Variants in SVEP1 observed in about 807,000 individuals in gnomAD.
SVEP1 encodes the protein sushi, von Willebrand factor type A, EGF and pentraxin domain-containing protein 1.
In SVEP1, 164 loss-of-function variants were observed where a neutral mutation model predicts 367.3. The ratio of observed to expected loss-of-function variants is 0.45; its 90% CI spans 0.39 to 0.51. The LOEUF (loss-of-function observed/expected upper bound fraction) is 0.51. Ranked by LOEUF, SVEP1 falls within the 20% of genes least tolerant of loss-of-function variation. The probability of loss-of-function intolerance (pLI) is 0.00; values close to 1 mark genes in which losing one functional copy is unlikely to be tolerated. For missense variants in SVEP1, 4,117 were observed against 4,425.3 expected (o/e 0.93, Z 1.98); for synonymous variants, 1,666 against 1,611.6 (o/e 1.03, Z -0.81).
rs773935259 is a variant in SVEP1 at position 110,432,049 on chromosome 9, G to C, written c.5234-15C>G. ...CTCATCGACATCTAAAATGAAGACA[G>C]CTTATAAATATTAAAGTTGATTCCT... On this transcript the variant is annotated splice_polypyrimidine_tract_variant and intron_variant, in intron 31 of 47. Coordinates refer to ENST00000374469, the MANE Select transcript of SVEP1 (RefSeq NM_153366.4). 10 of 1,578,868 alleles carry C rather than the reference G, an allele frequency of 6.3e-6. No individual in the cohort carries two copies. Among genetic ancestry groups the C allele is most frequent in the Non-Finnish European group, 7.7e-6 (9 of 1,166,582 alleles).
At chr9:110,375,733 T>G (rs187224354) in intron 45 of SVEP1, among the ~76,000 whole-genome samples, 86 of 152,328 alleles carry the variant, frequency 5.6e-4, no homozygotes, top group African/African-American at 2.0e-3. Context: ...CCGTAATCAG[T>G]GTCTGCAAAG....
At chr9:110,525,053 G>A (rs1829924147) in intron 3 of SVEP1, among the ~76,000 whole-genome samples, 1 of 152,012 alleles carries the variant, frequency 6.6e-6, no homozygotes, top group Non-Finnish European at 1.5e-5. Context: ...CTTATGATTG[G>A]AAATAAAGCA....
At chr9:110,406,105 T>G (rs1465215274) in intron 38 of SVEP1, 55 bp downstream of exon 38, 43 of 1,502,820 alleles carry the variant, frequency 2.9e-5, no homozygotes, top group Non-Finnish European at 3.7e-5. Flanking sequence ...ATCGATCACA[T>G]TTCATTTCAT....
chr9:110,390,834 CAT>C (rs1827643499), intron 40 of SVEP1, among the ~76,000 whole-genome samples: 1 of 152,004 alleles, frequency 6.6e-6, no homozygotes, highest in Non-Finnish European at 1.5e-5. Flanking sequence ...AAAATTCAAA[CAT>C]ATGAGAAATA....
chr9:110,517,391 A>C lies in SVEP1; in HGVS notation c.965-3285T>G, dbSNP rs140967839. Among the ~76,000 whole-genome samples the C allele has an allele frequency of 3.4e-3, 511 of 152,194 alleles. 3 individuals carry two copies. The highest frequency in any genetic ancestry group is 0.023 in the South Asian group (113 of 4,816). Reference sequence around the variant, plus strand: ...GGTGGGTGGATCACCTGAGGTCAGGAGTTCAAGACTGCCCTGGCCAACATG... The same window carrying C: ...GGTGGGTGGATCACCTGAGGTCAGGCGTTCAAGACTGCCCTGGCCAACATG... On this transcript the variant is annotated intron_variant, in intron 3 of 47. Transcript: ENST00000374469.
At chr9:110,424,271 T>A (rs192008978) in intron 36 of SVEP1, among the ~76,000 whole-genome samples, 2 of 152,186 alleles carry the variant, frequency 1.3e-5, no homozygotes, top group East Asian at 3.8e-4. Flanking sequence ...AATTTAGAGA[T>A]AGCTCGTTCT....
At chr9:110,558,096 G>T (rs971892994) in intron 1 of SVEP1, among the ~76,000 whole-genome samples, 1 of 151,888 alleles carries the variant, frequency 6.6e-6, no homozygotes. Context: ...CCTCATCCCA[G>T]GATGAAAAAA....
chr9:110,550,526 C>CTA (rs1830273526), intron 1 of SVEP1, among the ~76,000 whole-genome samples: 1 of 135,488 alleles, frequency 7.4e-6, no homozygotes, highest in African/African-American at 2.7e-5. Context: ...ATCTATCTAT[C>CTA]TGTCTATCAT....
chr9:110,571,472 A>G (rs1248112220), intron 1 of SVEP1, among the ~76,000 whole-genome samples: 1 of 152,218 alleles, frequency 6.6e-6, no homozygotes, highest in Non-Finnish European at 1.5e-5. Flanking sequence ...GAGCTCCAGT[A>G]GCCAACTGAG....
At chr9:110,529,347 A>G (rs1829986815) in intron 3 of SVEP1, among the ~76,000 whole-genome samples, 1 of 151,546 alleles carries the variant, frequency 6.6e-6, no homozygotes, top group Non-Finnish European at 1.5e-5. Flanking sequence ...GCTCTTTGGG[A>G]TCTTATTTGG....
At chr9:110,492,316 A>C (rs1829377712) in intron 8 of SVEP1, among the ~76,000 whole-genome samples, 2 of 152,108 alleles carry the variant, frequency 1.3e-5, no homozygotes, top group Non-Finnish European at 1.5e-5. Flanking sequence ...GATGTAAAAA[A>C]AACTATATTA....
intron 27 of SVEP1, chr9:110,442,454 CTTTT>C (rs1265250909): frequency 7.3e-6 from 1 of 137,122 alleles, no homozygotes; most frequent in Non-Finnish European, 1.6e-5. Context: ...TAATTTCTTT[CTTTT>C]TTCTTTTTTT....
chr9:110,566,330 A>T (rs1830493346), intron 1 of SVEP1, among the ~76,000 whole-genome samples: 1 of 92,502 alleles, frequency 1.1e-5, no homozygotes. Context: ...TCCATAATAA[A>T]TAAATAAATA....
Position 110,482,382 on chromosome 9 carries a change from C to A in SVEP1, c.2149G>T (p.Asp717Tyr). 1 of 1,612,474 alleles carries A rather than the reference C, an allele frequency of 6.2e-7. No homozygotes were observed. The highest frequency in any genetic ancestry group is 8.5e-7 in the Non-Finnish European group (1 of 1,179,364). ...ATACCTTTTATGACAATATGGATAT[C>A]ACATGTCCTGTTATTGCCTGAGGGG... Reference protein sequence around the residue: ...TDPSGNNRTCDIHIVIKGSPC... With the variant: ...TDPSGNNRTCYIHIVIKGSPC... The change falls in exon 11 of 48, where the codon GAT becomes TAT. Residue 717 changes from aspartate to tyrosine, a missense_variant. Asp to Tyr is a radical substitution (Grantham distance 160). This residue lies in a region of SVEP1 where 2,174 missense variants were observed against 2,494.3 expected (regional missense o/e 0.87). Coordinates refer to ENST00000374469, the MANE Select transcript of SVEP1 (RefSeq NM_153366.4).
At chr9:110,389,045 T>C (rs1055566080) in intron 41 of SVEP1, among the ~76,000 whole-genome samples, 2 of 152,192 alleles carry the variant, frequency 1.3e-5, no homozygotes, top group African/African-American at 2.4e-5. Context: ...GATAAAGTTA[T>C]GTGCATTAAC....
In SVEP1 at chr9:110,472,196, T is replaced by C. The variant is rs976728230; in HGVS notation, c.2727A>G (p.Leu909=). ...AAATTAACTTAATTTTATAGTCAGA[T>C]AATGGGGCACTTCTTTTAATCCGTG... is the stretch of plus-strand genomic sequence containing the variant. The part of the protein sequence containing the change: ...KSSRIKRSAP[L]SDYKIKLIFN... The change falls in exon 15 of 48, where the codon TTA becomes TTG. Residue 909 remains leucine, a synonymous_variant. Transcript: ENST00000374469. 1 of 1,613,382 alleles carries C rather than the reference T, an allele frequency of 6.2e-7. No individual in the cohort carries two copies. The highest frequency in any genetic ancestry group is 8.5e-7 in the Non-Finnish European group (1 of 1,179,748).
chr9:110,469,020 T>C lies in SVEP1; in HGVS notation c.3080A>G (p.Glu1027Gly), dbSNP rs1250188630. ...SCRIGSYQDEEGQLECKLCPS... is the reference protein window; with the variant it reads ...SCRIGSYQDEGGQLECKLCPS... ...GCAAAGCTTGCACTCAAGTTGCCCT[T>C]CTTCATCTTGATAGGATCCGATCCG... Residue 1027 changes from glutamate (E) to glycine (G), a missense_variant, in exon 17 of 48, where the codon GAA (glutamate) becomes GGA (glycine). Around this residue, in one of 4 missense-constraint regions of SVEP1, gnomAD observed 2,174 missense variants for 2,494.3 expected, o/e 0.87. Coordinates refer to ENST00000374469, the MANE Select transcript of SVEP1 (RefSeq NM_153366.4). 4 of 1,613,908 alleles carry C rather than the reference T, an allele frequency of 2.5e-6. No homozygotes were observed. The highest frequency in any genetic ancestry group is 3.4e-6 in the Non-Finnish European group (4 of 1,179,822).
chr9:110,501,584 G>C lies in SVEP1; in HGVS notation c.1483+1454C>G, dbSNP rs7032744. Among the ~76,000 whole-genome samples, 758 of 151,988 alleles carry C rather than the reference G, an allele frequency of 5.0e-3. 3 individuals carry two copies. Among genetic ancestry groups the C allele is most frequent in the African/African-American group, 0.018 (728 of 41,446 alleles). On this transcript the variant is annotated intron_variant, in intron 6 of 47. Transcript: ENST00000374469. Reference sequence around the variant, plus strand: ...TCTCTAATCTCATAATTTCTTACAAGAGCTAAAGCTTAGAGAATAGTACTA... The same window carrying C: ...TCTCTAATCTCATAATTTCTTACAACAGCTAAAGCTTAGAGAATAGTACTA...
intron 36 of SVEP1, among the ~76,000 whole-genome samples, chr9:110,426,086 T>C (rs1828249165): frequency 6.6e-6 from 1 of 152,216 alleles, no homozygotes; most frequent in South Asian, 2.1e-4. Context: ...TAGTTTCTTA[T>C]GTGAGTGAGT....
Sources: gnomAD v4.1 joint callset for allele counts (sites outside exome capture counted in the v4.1 genomes callset) on GRCh38, gnomAD v4.1.1 for gene constraint, gnomAD v4.1.1 regional missense constraint, MANE v1.5 for transcripts, NCBI Gene and HGNC (gene_info 2026-07-23, HGNC 2026-07-21) for gene names.